Variants in MTSS1 observed in about 807,000 individuals in gnomAD.
MTSS1 encodes MTSS I-BAR domain containing 1, also known as protein MTSS 1.
In MTSS1, 18 loss-of-function variants were observed where a neutral mutation model predicts 79.0. That is an observed-to-expected ratio of 0.23 (90% CI 0.16 to 0.34). The LOEUF (loss-of-function observed/expected upper bound fraction) is 0.34, where lower values mean the gene tolerates loss of function less well. Ranked by LOEUF, MTSS1 falls within the 10% of genes least tolerant of loss-of-function variation. The pLI, the probability that MTSS1 is intolerant of heterozygous loss-of-function variation, is 1.00. For synonymous variants in MTSS1, 341 were observed against 368.6 expected (o/e 0.93, Z 0.86); for missense variants, 815 against 986.2 (o/e 0.83, Z 2.33).
At chr8:124,612,574 ATGTGTGTGTGTGTGTGTG>A (rs58367314) in intron 3 of MTSS1, among the ~76,000 whole-genome samples, 1,194 of 99,580 alleles carry the variant, frequency 0.012, 24 homozygotes, top group African/African-American at 0.024. Flanking sequence ...CAAGTTTAAA[ATGTGTGTGTGTGTGTGTG>A]TGTGTGTGTG....
chr8:124,706,217 A>G (rs1830368281), intron 1 of MTSS1, among the ~76,000 whole-genome samples: 1 of 152,166 alleles, frequency 6.6e-6, no homozygotes, highest in Non-Finnish European at 1.5e-5. Flanking sequence ...TACATAAGAG[A>G]TATCTGGAAA....
rs532374845 is a variant in MTSS1 at position 124,621,964 on chromosome 8, TTCTC to T, written c.209-30733_209-30730del. 2.3e-3 allele frequency among the ~76,000 whole-genome samples: 349 copies of T among 152,130 alleles called. 1 individual carries two copies. The highest frequency in any genetic ancestry group is 7.9e-3 in the African/African-American group (329 of 41,504). ...GTTTCAGGTTTGGGTTTGGTTTACT[TTCTC>T]TCAGTGATGCACCAGCACGAGGTGG... On this transcript the variant is annotated intron_variant, in intron 3 of 13. Transcript: ENST00000518547.
intron 3 of MTSS1, among the ~76,000 whole-genome samples, chr8:124,627,581 C>A (rs1195029754): frequency 1.3e-5 from 2 of 152,184 alleles, no homozygotes; most frequent in East Asian, 3.8e-4. Flanking sequence ...CAATATAAGA[C>A]CGGGAAAGTA....
intron 3 of MTSS1, among the ~76,000 whole-genome samples, chr8:124,611,051 G>C (rs1483339567): frequency 6.6e-6 from 1 of 150,588 alleles, no homozygotes; most frequent in Non-Finnish European, 1.5e-5. Context: ...GTATCCACAT[G>C]CTGTAGAAAC....
intron 5 of MTSS1, among the ~76,000 whole-genome samples, chr8:124,585,419 CTT>C (rs35772173): frequency 2.2e-4 from 33 of 148,098 alleles, no homozygotes; most frequent in Admixed American, 4.0e-4. Flanking sequence ...TTTGGGAATA[CTT>C]TTTTTTTTTT....
At chr8:124,555,943 G>GT (rs778116389) in intron 12 of MTSS1, 39 bp from the exon 13 acceptor site, 7 of 721,652 alleles carry the variant, frequency 9.7e-6, no homozygotes, top group African/African-American at 6.3e-5. Flanking sequence ...GTTGCTTTAG[G>GT]GGGGGGGCTC....
intron 3 of MTSS1, among the ~76,000 whole-genome samples, chr8:124,689,143 C>T (rs1827513328): frequency 6.6e-6 from 1 of 152,052 alleles, no homozygotes; most frequent in Non-Finnish European, 1.5e-5. Context: ...GAGTTATTTT[C>T]TGGTAACAGC....
In MTSS1 at chr8:124,652,749, C is replaced by T. The variant is rs192532011; in HGVS notation, c.208+46777G>A. On this transcript the variant is annotated intron_variant, in intron 3 of 13. Coordinates refer to ENST00000518547, the MANE Select transcript of MTSS1 (RefSeq NM_014751.6). Reference sequence around the variant, plus strand: ...AGCGGAGGTTTCAGTGAGCCGAGATCGTGCCATTGCACTCCAGCCTGGGCG... The same window carrying T: ...AGCGGAGGTTTCAGTGAGCCGAGATTGTGCCATTGCACTCCAGCCTGGGCG... 7.0e-5 allele frequency among the ~76,000 whole-genome samples: 10 copies of T among 143,156 alleles called. No individual in the cohort carries two copies. In the East Asian group the frequency reaches 1.3e-3, roughly 18 times the overall value. The allele number at this position is 143,156 out of a possible 152,430, so 93.9% of individuals were successfully genotyped here.
chr8:124,704,313 T>C, intron 1 of MTSS1, 122 bp from the exon 2 acceptor site: 1 of 862,536 alleles, frequency 1.2e-6, no homozygotes, highest in Non-Finnish European at 1.9e-6. Context: ...CCTTTGCAGG[T>C]CTGCAATACG....
intron 3 of MTSS1, among the ~76,000 whole-genome samples, chr8:124,652,448 G>A (rs117683467): frequency 0.073 from 11,103 of 152,106 alleles, 438 homozygotes; most frequent in Middle Eastern, 0.095. Flanking sequence ...TTACAGGAAT[G>A]AGCCACCATG....
At position 124,634,794 on chromosome 8, in the gene MTSS1, G is replaced by A. The variant is rs563565441; in HGVS notation, c.209-43559C>T. 3.3e-5 allele frequency among the ~76,000 whole-genome samples: 5 copies of A among 152,290 alleles called. No individual in the cohort carries two copies. In the East Asian group the frequency reaches 5.8e-4, roughly 18 times the overall value. Reference sequence around the variant, plus strand: ...TCAGCAGCAGCAGAATCACCTGGGAGTGTGACGGAAATGCAGTGTCCTGGG... The same window carrying A: ...TCAGCAGCAGCAGAATCACCTGGGAATGTGACGGAAATGCAGTGTCCTGGG... On this transcript the variant is annotated intron_variant, in intron 3 of 13. Coordinates refer to ENST00000518547, the MANE Select transcript of MTSS1 (RefSeq NM_014751.6).
intron 3 of MTSS1, among the ~76,000 whole-genome samples, chr8:124,627,797 C>G (rs77836998): frequency 6.6e-6 from 1 of 152,228 alleles, no homozygotes; most frequent in African/African-American, 2.4e-5. Context: ...GAGAGAAGCA[C>G]AGGGAGACAG....
At chr8:124,558,885 C>A in intron 10 of MTSS1, 1 of 1,494,458 alleles carries the variant, frequency 6.7e-7, no homozygotes, top group South Asian at 1.3e-5. Context: ...GAGCCACACA[C>A]CACCAAAATA....
At chr8:124,580,371 A>G in intron 6 of MTSS1, 2 of 609,850 alleles carry the variant, frequency 3.3e-6, no homozygotes, top group Non-Finnish European at 2.8e-6. Context: ...AAAAGAAAAC[A>G]ATTAAAACAC....
intron 3 of MTSS1, among the ~76,000 whole-genome samples, chr8:124,630,244 C>G (rs1037384828): frequency 8.5e-5 from 13 of 152,212 alleles, no homozygotes; most frequent in African/African-American, 2.4e-4. Context: ...CTAAGCCCAC[C>G]CCATGCCACT....
chr8:124,721,363 G>A (rs1233146052), intron 1 of MTSS1, among the ~76,000 whole-genome samples: 1 of 146,410 alleles, frequency 6.8e-6, no homozygotes, highest in African/African-American at 2.5e-5. Context: ...ATCCTTTGTT[G>A]CTGTTTATTT....
At chr8:124,679,165 T>C (rs2134908817) in intron 3 of MTSS1, among the ~76,000 whole-genome samples, 1 of 152,358 alleles carries the variant, frequency 6.6e-6, no homozygotes, top group Non-Finnish European at 1.5e-5. Context: ...AGCTAAGAAG[T>C]AAGCCAAGCC....
intron 3 of MTSS1, among the ~76,000 whole-genome samples, chr8:124,609,339 T>G (rs1835376143): frequency 6.6e-6 from 1 of 152,114 alleles, no homozygotes; most frequent in Non-Finnish European, 1.5e-5. Context: ...AACCCCGGTC[T>G]AGAGGAAAGG....
intron 9 of MTSS1, among the ~76,000 whole-genome samples, chr8:124,564,538 A>C (rs1306670604): frequency 6.6e-6 from 1 of 152,020 alleles, no homozygotes; most frequent in Non-Finnish European, 1.5e-5. Flanking sequence ...GCTCACAGCA[A>C]CTCCACCCCG....
Sources: allele counts gnomAD v4.1 joint callset (sites outside exome capture counted in the v4.1 genomes callset), GRCh38; gene constraint gnomAD v4.1.1; transcripts MANE v1.5; gene names NCBI Gene and HGNC (gene_info 2026-07-23, HGNC 2026-07-21).